DNAJB1: variants seen among roughly 807,000 people sequenced by gnomAD.
The protein encoded by DNAJB1 is DnaJ heat shock protein family (Hsp40) member B1.
A neutral mutation model predicts 24.0 loss-of-function variants in DNAJB1; 14 were observed. That is an observed-to-expected ratio of 0.58 (90% CI 0.39 to 0.91). The LOEUF (loss-of-function observed/expected upper bound fraction) is 0.91. Ranked by LOEUF, DNAJB1 falls within the 40% of genes least tolerant of loss-of-function variation. The pLI, the probability that DNAJB1 is intolerant of heterozygous loss-of-function variation, is 0.00. For missense variants in DNAJB1, 517 were observed against 458.1 expected (o/e 1.13, Z -1.17); for synonymous variants, 262 against 174.4 (o/e 1.50, Z -3.96).
chr19:14,520,994 C>A (rs181682328), upstream of DNAJB1, among the ~76,000 whole-genome samples: 6 of 151,854 alleles, frequency 4.0e-5, no homozygotes, highest in Admixed American at 2.0e-4. Flanking sequence ...CTGAACCTCC[C>A]CATAAAAAAA....
chr19:14,546,480 G>T (rs1194691912), intron 1 of DNAJB1, among the ~76,000 whole-genome samples: 1 of 149,478 alleles, frequency 6.7e-6, no homozygotes, highest in Non-Finnish European at 1.5e-5. Context: ...CTGGCTACTT[G>T]CGAGGCTGAG....
At chr19:14,530,972 C>T (rs1174354783), upstream of DNAJB1, 4 of 152,180 alleles carry the variant, frequency 2.6e-5, no homozygotes, top group Non-Finnish European at 4.4e-5. Flanking sequence ...AGCCACCATT[C>T]TACTCAGCCA....
chr19:14,516,586 T>G lies in DNAJB1; in HGVS notation c.672A>C (p.Gly224=). The change falls in exon 2 of 3, where the codon GGA becomes GGC. Residue 224 remains glycine (G), a synonymous_variant. Coordinates refer to ENST00000254322, the MANE Select transcript of DNAJB1 (RefSeq NM_006145.3). Reference sequence around the variant, plus strand: ...CTGGAATGTTGTTGGAGGTCTGGTCTCCTTCCTTGGGGAAAGTGATTTTGG... The same window carrying G: ...CTGGAATGTTGTTGGAGGTCTGGTCGCCTTCCTTGGGGAAAGTGATTTTGG... ...EGTKITFPKE[G]DQTSNNIPAD... 6.2e-7 allele frequency: 1 copy of G among 1,614,220 alleles called. No individual in the cohort carries two copies. Among genetic ancestry groups the G allele is most frequent in the Non-Finnish European group, 8.5e-7 (1 of 1,180,044 alleles).
intron 1 of DNAJB1, 56 bp from the exon 2 acceptor site, chr19:14,517,102 C>T: frequency 6.5e-7 from 1 of 1,536,178 alleles, no homozygotes; most frequent in Non-Finnish European, 8.8e-7. Context: ...CTCTCTCGAG[C>T]TTCCCTTACA....
At chr19:14,516,421 A>G in intron 2 of DNAJB1, 45 bp downstream of exon 2, 1 of 1,574,480 alleles carries the variant, frequency 6.4e-7, no homozygotes, top group Non-Finnish European at 8.6e-7. Flanking sequence ...TGCTTCAAAA[A>G]GCAGCCATCG....
chr19:14,549,419 G>T (rs2073418027), intron 1 of DNAJB1, among the ~76,000 whole-genome samples: 1 of 151,860 alleles, frequency 6.6e-6, no homozygotes, highest in Non-Finnish European at 1.5e-5. Context: ...CACCATATTG[G>T]CCAGGCTAGT....
At chr19:14,522,030 T>C (rs1212772298), upstream of DNAJB1, among the ~76,000 whole-genome samples, 1 of 152,118 alleles carries the variant, frequency 6.6e-6, no homozygotes. Flanking sequence ...TACTGTGACC[T>C]GAACACTCAC....
intron 1 of DNAJB1, among the ~76,000 whole-genome samples, chr19:14,542,347 G>GGTTTTTTTTTTT (rs2073124658): frequency 9.5e-4 from 41 of 43,300 alleles, no homozygotes; most frequent in Admixed American, 2.8e-3. Flanking sequence ...ATGCCATAGT[G>GGTTTTTTTTTTT]TTTTTTTTTT....
intron 1 of DNAJB1, chr19:14,545,771 A>G (rs2073286498): frequency 6.5e-6 from 1 of 153,944 alleles, no homozygotes; most frequent in African/African-American, 2.4e-5. Flanking sequence ...TCTCCGTGTG[A>G]CAAGTACATC....
exon 1 of DNAJB1, chr19:14,529,224 C>G: frequency 1.4e-5 from 4 of 278,620 alleles, no homozygotes; most frequent in South Asian, 1.4e-4. Flanking sequence ...GAATTTACCC[C>G]TTCGGCGCCG....
chr19:14,544,477 T>A (rs2073233965), intron 1 of DNAJB1, among the ~76,000 whole-genome samples: 2 of 152,062 alleles, frequency 1.3e-5, no homozygotes, highest in Admixed American at 1.3e-4. Context: ...ACGAGGATGC[T>A]TGCATGATCT....
At chr19:14,558,797 C>T (rs1033477000) in intron 1 of DNAJB1, among the ~76,000 whole-genome samples, 1 of 152,112 alleles carries the variant, frequency 6.6e-6, no homozygotes, top group African/African-American at 2.4e-5. Context: ...TGGGCTTCCT[C>T]AGAAGGTCCT....
At position 14,559,120 on chromosome 19, in the gene DNAJB1, T is replaced by C. The variant is rs184150689; in HGVS notation, c.-2166+911A>G. Among the ~76,000 whole-genome samples, 8 of 152,288 alleles carry C rather than the reference T, an allele frequency of 5.3e-5. No individual in the cohort carries two copies. The East Asian group carries it at 1.5e-3, about 29-fold the overall frequency. ...CTCCTGCTCCTCCCACCCGACTGTT[T>C]TTATTTTGATGGGTATGTGGGGCCT... On this transcript the variant is annotated intron_variant, in intron 1 of 5. Coordinates refer to the DNAJB1 transcript ENST00000679223.
chr19:14,522,671 GACACACACACAGACACACAC>G (rs1599385177), upstream of DNAJB1, among the ~76,000 whole-genome samples: 1 of 63,042 alleles, frequency 1.6e-5, no homozygotes, highest in Non-Finnish European at 3.1e-5. Flanking sequence ...CACAAACACA[GACACACACACAGACACACAC>G]ACACACACAC....
upstream of DNAJB1, among the ~76,000 whole-genome samples, chr19:14,553,560 C>T (rs760949454): frequency 3.4e-4 from 52 of 152,150 alleles, no homozygotes; most frequent in Non-Finnish European, 5.6e-4. Flanking sequence ...GGGTTCCTGG[C>T]AGCTGAGCCC....
chr19:14,541,476 C>T (rs2073095980), intron 1 of DNAJB1, among the ~76,000 whole-genome samples: 1 of 152,254 alleles, frequency 6.6e-6, no homozygotes, highest in Non-Finnish European at 1.5e-5. Flanking sequence ...AGGACCCTGC[C>T]TCTGTTTTCC....
chr19:14,526,318 C>T (rs766146884), intron 2 of DNAJB1, among the ~76,000 whole-genome samples: 8 of 152,336 alleles, frequency 5.3e-5, no homozygotes, highest in Non-Finnish European at 8.8e-5. Context: ...GCTGTCCCTA[C>T]AGACAGGCAC....
intron 2 of DNAJB1, among the ~76,000 whole-genome samples, chr19:14,525,964 C>T (rs1286760657): frequency 6.6e-6 from 1 of 152,138 alleles, no homozygotes; most frequent in Non-Finnish European, 1.5e-5. Flanking sequence ...AGCGAGCCAG[C>T]TCATTCATAC....
At chr19:14,529,662 C>T (rs1192181205), upstream of DNAJB1, 1 of 1,613,800 alleles carries the variant, frequency 6.2e-7, no homozygotes, top group Admixed American at 1.7e-5. Flanking sequence ...TAGGCAGCAG[C>T]AGCCGCGGAG....
Sources: gnomAD v4.1 joint callset for allele counts (sites outside exome capture counted in the v4.1 genomes callset) on GRCh38, gnomAD v4.1.1 for gene constraint, MANE v1.5 for transcripts, NCBI Gene and HGNC (gene_info 2026-07-23, HGNC 2026-07-21) for gene names.